The following RP1 variants were observed in gnomAD, a reference collection of about 807,000 sequenced individuals.
RP1 encodes the protein oxygen-regulated protein 1.
RP1 carries 16 observed loss-of-function variants against 14.8 expected under a neutral mutation model. The ratio of observed to expected loss-of-function variants is 1.08; its 90% confidence interval spans 0.73 to 1.65. The LOEUF (loss-of-function observed/expected upper bound fraction) is 1.65, where lower values mean the gene tolerates loss of function less well. Ranked by LOEUF, RP1 falls within the 40% of genes most tolerant of loss-of-function variation. The pLI is 0.00. For missense variants in RP1, 2,631 were observed against 2,535.0 expected (o/e 1.04, Z -0.81); for synonymous variants, 876 against 883.6 (o/e 0.99, Z 0.15).
chr8:54,621,347 G>A lies in RP1; in HGVS notation c.381G>A (p.Trp127Ter), dbSNP rs963304527. The change falls in exon 2 of 4, where the codon TGG becomes TGA. Residue 127 changes from tryptophan (W) to a stop codon, truncating the protein, a stop_gained. Coordinates refer to ENST00000220676, the MANE Select transcript of RP1 (RefSeq NM_006269.2). LOFTEE classifies it high-confidence loss of function. Reference sequence around the variant, plus strand: ...AAGCCCGTCGGCGCCCGCGGCCCTGGCTCAGCAGCCGGGCCATTAGCGCGC... The same window carrying A: ...AAGCCCGTCGGCGCCCGCGGCCCTGACTCAGCAGCCGGGCCATTAGCGCGC... ...LDKARRRPRPWLSSRAISAHS... is the reference protein window; with the variant it reads ...LDKARRRPRP 6.2e-7 allele frequency: 1 copy of A among 1,611,556 alleles called. No homozygotes were observed. Among genetic ancestry groups the A allele is most frequent in the Non-Finnish European group, 8.5e-7 (1 of 1,178,944 alleles).
intron 22 of RP1, among the ~76,000 whole-genome samples, chr8:54,765,494 T>C (rs1320132758): frequency 2.0e-5 from 3 of 152,250 alleles, no homozygotes; most frequent in Non-Finnish European, 4.4e-5. Flanking sequence ...AGAGAACTTT[T>C]ACACCTAGGC....
chr8:54,608,299 A>C (rs1289171167), intron 1 of RP1, among the ~76,000 whole-genome samples: 1 of 151,146 alleles, frequency 6.6e-6, no homozygotes, highest in African/African-American at 2.4e-5. Flanking sequence ...AGTGTGAATC[A>C]TCCACTTTAA....
intron 25 of RP1, among the ~76,000 whole-genome samples, chr8:54,845,022 C>T (rs1414986178): frequency 6.6e-6 from 1 of 152,200 alleles, no homozygotes; most frequent in Non-Finnish European, 1.5e-5. Flanking sequence ...GTGGATGGCA[C>T]TCCTTAGGGA....
chr8:54,820,899 A>T lies in RP1; in HGVS notation c.3616-16551A>T, dbSNP rs1811240543. 2.6e-5 allele frequency among the ~76,000 whole-genome samples: 4 copies of T among 152,150 alleles called. No homozygotes were observed. The South Asian group carries it at 8.3e-4, about 32-fold the overall frequency. ...GACATCCTCAGAAGAGTAAAAGAAG[A>T]CATGGCCTCCAGGAATCCGCAGGAG... On this transcript the variant is annotated intron_variant, in intron 24 of 28. Coordinates refer to the RP1 transcript ENST00000637698.
In RP1 at chr8:54,860,387, T is replaced by C. The variant is rs556335215; in HGVS notation, c.4069+3281T>C. Among the ~76,000 whole-genome samples the C allele has an allele frequency of 4.6e-5, 7 of 152,344 alleles. No homozygotes were observed. The South Asian group carries it at 1.4e-3, about 32-fold the overall frequency. On this transcript the variant is annotated intron_variant, in intron 27 of 28. Transcript: ENST00000637698. ...AAGAAGCCACATACAGTATTATTCT[T>C]TTAACCCAAATACAGTTATGTCTAG...
At chr8:54,869,686 A>G (rs1353305747) in intron 28 of RP1, among the ~76,000 whole-genome samples, 1 of 152,222 alleles carries the variant, frequency 6.6e-6, no homozygotes. Flanking sequence ...CTGCTAAATA[A>G]TCTGGTGTGG....
intron 1 of RP1, among the ~76,000 whole-genome samples, chr8:54,585,253 C>T (rs554189290): frequency 7.2e-5 from 11 of 152,270 alleles, no homozygotes; most frequent in South Asian, 4.1e-4. Context: ...CCTTCACTTA[C>T]GAAGCTTAGT....
chr8:54,631,865 G>A (rs1454540356), downstream of RP1, among the ~76,000 whole-genome samples: 1 of 150,594 alleles, frequency 6.6e-6, no homozygotes, highest in East Asian at 1.9e-4. Context: ...TTTTGAGACA[G>A]AGTTTCGCTC....
intron 17 of RP1, among the ~76,000 whole-genome samples, chr8:54,733,997 G>A (rs1808852874): frequency 6.6e-6 from 1 of 152,166 alleles, no homozygotes; most frequent in Non-Finnish European, 1.5e-5. Context: ...GAGCACCTCA[G>A]GAACCATTTG....
intron 24 of RP1, among the ~76,000 whole-genome samples, chr8:54,809,736 G>A (rs188050995): frequency 1.3e-5 from 2 of 152,344 alleles, no homozygotes; most frequent in Admixed American, 1.3e-4. Flanking sequence ...CTACATGCAT[G>A]CCATTTGCCA....
intron 25 of RP1, among the ~76,000 whole-genome samples, chr8:54,842,248 C>T (rs1563393131): frequency 6.6e-6 from 1 of 152,308 alleles, no homozygotes; most frequent in African/African-American, 2.4e-5. Context: ...ATCTAGGTCT[C>T]CATCACTGGC....
At chr8:54,798,403 G>A (rs1337681850) in intron 24 of RP1, among the ~76,000 whole-genome samples, 3 of 152,170 alleles carry the variant, frequency 2.0e-5, no homozygotes, top group African/African-American at 7.2e-5. Flanking sequence ...GAGAGCGATA[G>A]ATTAGAAAGT....
At chr8:54,745,087 G>C in intron 19 of RP1, among the ~76,000 whole-genome samples, 1 of 152,186 alleles carries the variant, frequency 6.6e-6, no homozygotes, top group East Asian at 1.9e-4. Context: ...GAAGAGTTCT[G>C]TTGGTCGTTT....
chr8:54,736,242 C>G (rs556347787), intron 18 of RP1, among the ~76,000 whole-genome samples: 13 of 152,210 alleles, frequency 8.5e-5, no homozygotes, highest in Admixed American at 3.3e-4. Flanking sequence ...GCAATAAGAT[C>G]TTTTCTTTCT....
intron 12 of RP1, among the ~76,000 whole-genome samples, chr8:54,692,848 T>G: frequency 6.6e-6 from 1 of 152,080 alleles, no homozygotes; most frequent in Non-Finnish European, 1.5e-5. Context: ...AATTTTGGCT[T>G]TTGTTGCCAT....
At position 54,860,860 on chromosome 8, in the gene RP1, T is replaced by C. The variant is rs61347858; in HGVS notation, c.4069+3754T>C. On this transcript the variant is annotated intron_variant, in intron 27 of 28. Coordinates refer to the RP1 transcript ENST00000637698. ...CTATTGTCCATTTGACAAAGGGACCTGGAAGAATGTAAAAACCTTCACAGG... is the reference window on the plus strand; with the variant it reads ...CTATTGTCCATTTGACAAAGGGACCCGGAAGAATGTAAAAACCTTCACAGG... 1.7e-3 allele frequency among the ~76,000 whole-genome samples: 259 copies of C among 152,320 alleles called. 2 individuals carry two copies. The East Asian group carries it at 0.043, about 25-fold the overall frequency.
intron 21 of RP1, chr8:54,758,917 A>G (rs1347391842): frequency 1.3e-6 from 2 of 1,535,172 alleles, no homozygotes; most frequent in East Asian, 4.9e-5. Flanking sequence ...TGTCTCCTGC[A>G]CCAGATTGAT....
chr8:54,696,880 G>C lies in RP1; in HGVS notation c.1718-2587G>C, dbSNP rs974608726. The stretch of plus-strand genomic sequence containing the variant: ...TGAAATGTGGACAAGCCAAGGTCAA[G>C]AATAAGATCGTTCTTCTGACAGACA... On this transcript the variant is annotated intron_variant, in intron 12 of 22. Coordinates refer to the RP1 transcript ENST00000636932. 3.9e-6 allele frequency: 3 copies of C among 777,980 alleles called. No individual in the cohort carries two copies. In the African/African-American group the frequency reaches 5.1e-5, roughly 13 times the overall value. 48.2% of individuals were successfully genotyped at this position (777,980 alleles called of 1,614,324 possible).
intron 4 of RP1, among the ~76,000 whole-genome samples, chr8:54,652,551 G>A (rs1045877338): frequency 1.2e-4 from 18 of 151,544 alleles, no homozygotes; most frequent in Non-Finnish European, 7.4e-5. Context: ...ATTAAAGTTG[G>A]GTATTGAAGT....
Sources: gnomAD v4.1 joint callset for allele counts (sites outside exome capture counted in the v4.1 genomes callset) on GRCh38, gnomAD v4.1.1 for gene constraint, MANE v1.5 for transcripts, NCBI Gene and HGNC (gene_info 2026-07-23, HGNC 2026-07-21) for gene names.